The following SAMMSON variants were observed in gnomAD, a reference collection of about 807,000 sequenced individuals.
The protein encoded by SAMMSON is survival associated mitochondrial melanoma specific oncogenic non-coding RNA.
At chr3:70,418,356 C>A (rs1701282064) in intron 2 of SAMMSON, among the ~76,000 whole-genome samples, 1 of 152,194 alleles carries the variant, frequency 6.6e-6, no homozygotes, top group Non-Finnish European at 1.5e-5. Context: ...TAAATTTCTC[C>A]TCTTCTTCCT....
intron 4 of SAMMSON, among the ~76,000 whole-genome samples, chr3:70,152,630 A>G (rs984169580): frequency 6.6e-6 from 1 of 151,968 alleles, no homozygotes; most frequent in African/African-American, 2.4e-5. Flanking sequence ...CCCTTGAGAT[A>G]TTGTCGGAAT....
intron 4 of SAMMSON, among the ~76,000 whole-genome samples, chr3:70,128,044 T>A (rs2067466730): frequency 6.6e-6 from 1 of 152,222 alleles, no homozygotes; most frequent in South Asian, 2.1e-4. Flanking sequence ...TCAGTTCACA[T>A]GTTGAGTGAA....
At chr3:70,138,424 G>A (rs1375950258) in intron 4 of SAMMSON, among the ~76,000 whole-genome samples, 1 of 151,894 alleles carries the variant, frequency 6.6e-6, no homozygotes, top group Non-Finnish European at 1.5e-5. Context: ...GTAACCTCAC[G>A]TGGCAGAAGG....
At chr3:70,382,164 G>A (rs1191525603) in intron 9 of SAMMSON, among the ~76,000 whole-genome samples, 3 of 152,090 alleles carry the variant, frequency 2.0e-5, no homozygotes, top group Admixed American at 6.6e-5. Flanking sequence ...TAAAGGTTCA[G>A]TTTCTTATTT....
chr3:70,388,514 C>T (rs1024283355), intron 9 of SAMMSON, among the ~76,000 whole-genome samples: 3 of 152,094 alleles, frequency 2.0e-5, no homozygotes, highest in Non-Finnish European at 4.4e-5. Flanking sequence ...TAATCCAACC[C>T]TCTTGTCCAT....
intron 4 of SAMMSON, among the ~76,000 whole-genome samples, chr3:70,208,256 G>C (rs1411879686): frequency 6.6e-6 from 1 of 152,152 alleles, no homozygotes; most frequent in South Asian, 2.1e-4. Flanking sequence ...CGCAATGCCT[G>C]GTTGGTTCAA....
At chr3:70,368,790 T>C (rs990776888) in intron 9 of SAMMSON, among the ~76,000 whole-genome samples, 3 of 151,660 alleles carry the variant, frequency 2.0e-5, no homozygotes, top group Middle Eastern at 3.2e-3. Flanking sequence ...AAGTTTGAAA[T>C]TTGGGTAGTT....
intron 4 of SAMMSON, among the ~76,000 whole-genome samples, chr3:70,177,079 C>G (rs938448070): frequency 7.2e-5 from 11 of 152,126 alleles, no homozygotes; most frequent in Non-Finnish European, 1.6e-4. Flanking sequence ...GATCAGACAT[C>G]CACCTATCCT....
At chr3:70,103,132 AC>A (rs1437729299) in intron 4 of SAMMSON, among the ~76,000 whole-genome samples, 28 of 152,210 alleles carry the variant, frequency 1.8e-4, no homozygotes, top group African/African-American at 6.5e-4. Context: ...CTAAGCTTCA[AC>A]AAATTGGTAC....
chr3:70,188,198 G>A (rs1239783275), intron 4 of SAMMSON, among the ~76,000 whole-genome samples: 2 of 152,128 alleles, frequency 1.3e-5, no homozygotes, highest in Admixed American at 6.5e-5. Context: ...GGAAGACATG[G>A]GGTTTGAAGT....
rs755269087 is a variant in SAMMSON at position 70,362,994 on chromosome 3, T to A, written n.913+4670T>A. Among the ~76,000 whole-genome samples the A allele has an allele frequency of 1.1e-3, 168 of 151,956 alleles. 4 individuals are homozygous for A. Among genetic ancestry groups the A allele is most frequent in the Admixed American group, 2.0e-4 (3 of 15,230 alleles). Reference sequence around the variant, plus strand: ...TCTATGGTTGACATTGCACTCCAAGTAATTCTGATGCAAGGGTCTATAAGA... The same window carrying A: ...TCTATGGTTGACATTGCACTCCAAGAAATTCTGATGCAAGGGTCTATAAGA... On this transcript the variant is annotated intron_variant and non_coding_transcript_variant, in intron 9 of 9. Coordinates refer to ENST00000642114, the Ensembl canonical transcript of SAMMSON.
chr3:70,115,792 GA>G, intron 4 of SAMMSON, among the ~76,000 whole-genome samples: 1 of 151,918 alleles, frequency 6.6e-6, no homozygotes, highest in Non-Finnish European at 1.5e-5. Context: ...AACAACATTT[GA>G]AAAAACAAAC....
chr3:70,032,248 A>G (rs938095304), intron 3 of SAMMSON, among the ~76,000 whole-genome samples: 4 of 152,112 alleles, frequency 2.6e-5, no homozygotes, highest in African/African-American at 7.3e-5. Flanking sequence ...GAGTACATCA[A>G]GCAAACAGGA....
At chr3:70,042,553 C>G (rs1473834256) in intron 3 of SAMMSON, among the ~76,000 whole-genome samples, 5 of 152,032 alleles carry the variant, frequency 3.3e-5, no homozygotes, top group Non-Finnish European at 7.4e-5. Context: ...CTACAGATGA[C>G]AACACACTAT....
intron 4 of SAMMSON, among the ~76,000 whole-genome samples, chr3:70,179,017 T>G (rs989187877): frequency 2.6e-4 from 39 of 152,138 alleles, no homozygotes; most frequent in African/African-American, 9.4e-4. Flanking sequence ...ATAGTAATAA[T>G]AATAATAAGA....
At chr3:70,046,974 C>A (rs1006939114) in intron 3 of SAMMSON, among the ~76,000 whole-genome samples, 6 of 152,184 alleles carry the variant, frequency 3.9e-5, no homozygotes, top group Admixed American at 3.9e-4. Flanking sequence ...CCCAGGTAAT[C>A]CAGGTTAATC....
At position 70,041,220 on chromosome 3, in the gene SAMMSON, C is replaced by A. The variant is rs1460906105; in HGVS notation, n.417+27548C>A. 2.0e-5 allele frequency among the ~76,000 whole-genome samples: 3 copies of A among 152,182 alleles called. No individual in the cohort carries two copies. The East Asian group carries it at 5.8e-4, about 29-fold the overall frequency. On this transcript the variant is annotated intron_variant and non_coding_transcript_variant, in intron 3 of 9. Coordinates refer to ENST00000642114, the Ensembl canonical transcript of SAMMSON. ...CCCGCATTTGTGGAATTTCCAAAGA[C>A]ATTTTGTTGTATGCTCCTAGGCCTC...
intron 4 of SAMMSON, among the ~76,000 whole-genome samples, chr3:70,226,434 A>G (rs1022745071): frequency 6.6e-6 from 1 of 152,116 alleles, no homozygotes; most frequent in African/African-American, 2.4e-5. Flanking sequence ...TTTTCACTGG[A>G]TCTTTAAAAA....
intron 2 of SAMMSON, among the ~76,000 whole-genome samples, chr3:70,403,735 A>G (rs1701158722): frequency 6.6e-6 from 1 of 151,784 alleles, no homozygotes; most frequent in African/African-American, 2.4e-5. Context: ...TAGAAATCTT[A>G]TAATAGGATA....
Sources: allele counts gnomAD v4.1 joint callset (sites outside exome capture counted in the v4.1 genomes callset), GRCh38; gene constraint gnomAD v4.1.1; transcripts MANE v1.5; gene names NCBI Gene and HGNC (gene_info 2026-07-23, HGNC 2026-07-21).